The following NCALD variants were observed in gnomAD, a reference collection of about 807,000 sequenced individuals.
The protein encoded by NCALD is neurocalcin delta.
NCALD carries 10 observed loss-of-function variants against 18.6 expected under a neutral mutation model. The observed-to-expected ratio is 0.54, with a 90% CI of 0.33 to 0.91. NCALD has a LOEUF of 0.91. Ranked by LOEUF, NCALD falls within the 40% of genes least tolerant of loss-of-function variation. The probability of loss-of-function intolerance (pLI) is 0.03; values close to 1 mark genes in which losing one functional copy is unlikely to be tolerated. For missense variants in NCALD, 184 were observed against 247.6 expected (o/e 0.74, Z 1.72); for synonymous variants, 88 against 87.4 (o/e 1.01, Z -0.04).
Position 101,740,939 on chromosome 8 carries a change from T to C in NCALD, c.-19-21291A>G, listed in dbSNP as rs532033412. 5.9e-5 allele frequency among the ~76,000 whole-genome samples: 9 copies of C among 152,340 alleles called. No homozygotes were observed. In the South Asian group the frequency reaches 1.9e-3, roughly 32 times the overall value. ...TTTAACTTCTATTCAACTATCTTTA[T>C]TTTTTCTAGTCTAATTACAGCAAAT... On this transcript the variant is annotated intron_variant, in intron 1 of 3. Transcript: ENST00000220931.
At chr8:102,088,766 G>A (rs923391892) in intron 1 of NCALD, among the ~76,000 whole-genome samples, 1 of 152,166 alleles carries the variant, frequency 6.6e-6, no homozygotes, top group East Asian at 1.9e-4. Flanking sequence ...ATTAAAAGTA[G>A]ATAGATCTCC....
chr8:101,964,722 T>G (rs1212706959), intron 2 of NCALD, among the ~76,000 whole-genome samples: 1 of 152,220 alleles, frequency 6.6e-6, no homozygotes, highest in East Asian at 1.9e-4. Flanking sequence ...TCTAAATGTC[T>G]AAACATGTAC....
intron 4 of NCALD, among the ~76,000 whole-genome samples, chr8:101,836,063 T>A (rs1814400087): frequency 6.6e-6 from 1 of 152,074 alleles, no homozygotes; most frequent in African/African-American, 2.4e-5. Context: ...TGGAACTACA[T>A]TTCCCACTGA....
chr8:101,714,897 T>A (rs1166244142), intron 2 of NCALD, among the ~76,000 whole-genome samples: 1 of 150,288 alleles, frequency 6.7e-6, no homozygotes, highest in Non-Finnish European at 1.5e-5. Flanking sequence ...CTCGGGAGGC[T>A]GAGGCAGGAG....
At chr8:101,955,003 G>A (rs1353057129) in intron 2 of NCALD, among the ~76,000 whole-genome samples, 1 of 152,042 alleles carries the variant, frequency 6.6e-6, no homozygotes, top group Non-Finnish European at 1.5e-5. Flanking sequence ...GCCTATAAGA[G>A]AGCCAGGATT....
At chr8:102,116,352 C>A (rs555091774) in intron 1 of NCALD, among the ~76,000 whole-genome samples, 10 of 152,236 alleles carry the variant, frequency 6.6e-5, no homozygotes, top group Admixed American at 5.9e-4. Context: ...CTAGGGGCAC[C>A]GTAACAGAGT....
chr8:101,691,961 G>C (rs936288933), intron 3 of NCALD: 1 of 985,356 alleles, frequency 1.0e-6, no homozygotes, highest in East Asian at 1.1e-4. Flanking sequence ...TTAAACTCAA[G>C]TATAACATTT....
rs577052088 is a variant in NCALD at position 101,827,923 on chromosome 8, T to A, written c.-20+59218A>T. On this transcript the variant is annotated intron_variant, in intron 4 of 6. Coordinates refer to the NCALD transcript ENST00000311028. ...ACCCTCAAAATGGACGTGGTTCATT[T>A]CCAAAAAGGAGATAGTTTGTAATTT... Among the ~76,000 whole-genome samples the A allele has an allele frequency of 2.6e-5, 4 of 152,308 alleles. No individual in the cohort carries two copies. In the South Asian group the frequency reaches 8.3e-4, roughly 32 times the overall value.
At chr8:102,099,276 G>T (rs1159824963) in intron 1 of NCALD, among the ~76,000 whole-genome samples, 1 of 152,068 alleles carries the variant, frequency 6.6e-6, no homozygotes, top group African/African-American at 2.4e-5. Flanking sequence ...ATAGTCCAAG[G>T]CACCAAAGAC....
chr8:101,819,051 T>C (rs1034641309), intron 4 of NCALD, among the ~76,000 whole-genome samples: 1 of 152,098 alleles, frequency 6.6e-6, no homozygotes, highest in African/African-American at 2.4e-5. Context: ...ACATCACTTT[T>C]CTTCCTTCAA....
chr8:102,055,177 G>A (rs570577693), intron 1 of NCALD, among the ~76,000 whole-genome samples: 3 of 151,316 alleles, frequency 2.0e-5, no homozygotes, highest in South Asian at 4.2e-4. Context: ...ACACAAAGGC[G>A]CCACTCGGTG....
intron 1 of NCALD, among the ~76,000 whole-genome samples, chr8:102,056,292 G>A (rs1454960308): frequency 6.6e-6 from 1 of 152,094 alleles, no homozygotes; most frequent in Non-Finnish European, 1.5e-5. Context: ...TGAGCTTTAG[G>A]GAGAAGCAAA....
intron 4 of NCALD, among the ~76,000 whole-genome samples, chr8:101,838,931 C>G (rs1483605268): frequency 1.3e-5 from 2 of 152,166 alleles, no homozygotes; most frequent in African/African-American, 4.8e-5. Context: ...TGTTTTTCAT[C>G]CAGAAAGTGG....
chr8:101,890,866 C>T (rs1172580327), intron 3 of NCALD, among the ~76,000 whole-genome samples: 5 of 152,098 alleles, frequency 3.3e-5, no homozygotes, highest in Non-Finnish European at 7.3e-5. Flanking sequence ...ATGACTTTTT[C>T]GACATAGCAA....
intron 4 of NCALD, among the ~76,000 whole-genome samples, chr8:101,864,535 G>A (rs1201210409): frequency 3.3e-5 from 5 of 150,942 alleles, no homozygotes; most frequent in Admixed American, 6.6e-5. Flanking sequence ...ATAAAGACTC[G>A]ACAAGAAAAG....
intron 2 of NCALD, among the ~76,000 whole-genome samples, chr8:101,943,801 C>T (rs1346384462): frequency 6.6e-6 from 1 of 152,034 alleles, no homozygotes; most frequent in African/African-American, 2.4e-5. Flanking sequence ...ATTAGCCAGG[C>T]ATGGTGGCGG....
At chr8:101,889,297 T>G (rs1479629193) in intron 3 of NCALD, among the ~76,000 whole-genome samples, 2 of 152,204 alleles carry the variant, frequency 1.3e-5, no homozygotes, top group Non-Finnish European at 2.9e-5. Context: ...TGAGAAAAAG[T>G]AAATCCTATT....
At chr8:101,801,505 C>G (rs971322393) in intron 4 of NCALD, among the ~76,000 whole-genome samples, 27 of 151,636 alleles carry the variant, frequency 1.8e-4, no homozygotes, top group African/African-American at 6.5e-4. Context: ...ACAGAGAATA[C>G]TCTTTGCAAA....
intron 2 of NCALD, among the ~76,000 whole-genome samples, chr8:102,002,436 T>C (rs1821511515): frequency 6.6e-6 from 1 of 152,184 alleles, no homozygotes; most frequent in Admixed American, 6.5e-5. Context: ...TGGGAGACTT[T>C]AACACCCCAC....
Sources: allele counts gnomAD v4.1 joint callset (sites outside exome capture counted in the v4.1 genomes callset), GRCh38; gene constraint gnomAD v4.1.1; transcripts MANE v1.5; gene names NCBI Gene and HGNC (gene_info 2026-07-23, HGNC 2026-07-21).